NKAIN2: variants seen among roughly 807,000 people sequenced by gnomAD.
The protein encoded by NKAIN2 is sodium/potassium transporting ATPase interacting 2.
A neutral mutation model predicts 32.6 loss-of-function variants in NKAIN2; 14 were observed. That is an observed-to-expected ratio of 0.43 (90% CI 0.28 to 0.67). The LOEUF (loss-of-function observed/expected upper bound fraction) is 0.67. NKAIN2 is among the 30% of genes least tolerant of loss of function. The pLI is 0.17. For missense variants in NKAIN2, 198 were observed against 258.3 expected (o/e 0.77, Z 1.60); for synonymous variants, 80 against 87.2 (o/e 0.92, Z 0.46).
intron 4 of NKAIN2, among the ~76,000 whole-genome samples, chr6:124,712,412 C>T (rs1261474265): frequency 1.7e-5 from 2 of 116,164 alleles, no homozygotes; most frequent in Non-Finnish European, 3.6e-5. Flanking sequence ...CGCCCCTCCC[C>T]CAGGCTCGCT....
intron 3 of NKAIN2, among the ~76,000 whole-genome samples, chr6:124,580,478 C>T (rs1414904531): frequency 6.6e-6 from 1 of 151,924 alleles, no homozygotes; most frequent in Non-Finnish European, 1.5e-5. Context: ...CTTTGCAAGC[C>T]TCATGGTAAC....
At chr6:123,901,469 A>G (rs1774583517) in intron 1 of NKAIN2, among the ~76,000 whole-genome samples, 1 of 152,196 alleles carries the variant, frequency 6.6e-6, no homozygotes, top group Non-Finnish European at 1.5e-5. Flanking sequence ...GACTTAGTAT[A>G]CCAAGCGTTT....
At chr6:124,509,034 G>A (rs905254867) in intron 3 of NKAIN2, among the ~76,000 whole-genome samples, 16 of 152,038 alleles carry the variant, frequency 1.1e-4, no homozygotes, top group African/African-American at 3.4e-4. Flanking sequence ...GATGCCCTGC[G>A]GCTTAGGACT....
intron 5 of NKAIN2, among the ~76,000 whole-genome samples, chr6:124,813,450 G>T (rs1224715115): frequency 6.6e-6 from 1 of 152,196 alleles, no homozygotes; most frequent in East Asian, 1.9e-4. Context: ...AAGAACTTAA[G>T]ACTTTTGTTA....
intron 1 of NKAIN2, among the ~76,000 whole-genome samples, chr6:123,965,574 C>T (rs778577384): frequency 1.3e-5 from 2 of 152,138 alleles, no homozygotes; most frequent in Non-Finnish European, 2.9e-5. Context: ...GATTCTCCTA[C>T]TCATATCCTG....
chr6:124,158,717 A>G (rs764843659), intron 1 of NKAIN2, among the ~76,000 whole-genome samples: 2 of 152,184 alleles, frequency 1.3e-5, no homozygotes, highest in Non-Finnish European at 2.9e-5. Context: ...GAGGAGTGAT[A>G]AGAGACATCC....
chr6:124,391,043 A>C (rs1281595668), intron 3 of NKAIN2: 1 of 152,164 alleles, frequency 6.6e-6, no homozygotes, highest in Non-Finnish European at 1.5e-5. Context: ...CTTTGAAAGA[A>C]ATTTTTGCTT....
chr6:124,680,239 G>A (rs1404367636), intron 4 of NKAIN2, among the ~76,000 whole-genome samples: 1 of 152,112 alleles, frequency 6.6e-6, no homozygotes, highest in Non-Finnish European at 1.5e-5. Flanking sequence ...TAAGGAATGT[G>A]TTTCCCTTAA....
chr6:124,005,390 G>A (rs1780037453), intron 1 of NKAIN2, among the ~76,000 whole-genome samples: 1 of 151,868 alleles, frequency 6.6e-6, no homozygotes, highest in South Asian at 2.1e-4. Context: ...ACATACTACT[G>A]TAAATTAATT....
At chr6:124,432,937 T>TC (rs927753756) in intron 3 of NKAIN2, among the ~76,000 whole-genome samples, 4 of 150,658 alleles carry the variant, frequency 2.7e-5, no homozygotes, top group African/African-American at 9.8e-5. Flanking sequence ...CCTGCTTGGC[T>TC]CCCCCCGACA....
chr6:123,809,212 A>AT (rs929442237), intron 1 of NKAIN2, among the ~76,000 whole-genome samples: 4 of 151,568 alleles, frequency 2.6e-5, no homozygotes, highest in African/African-American at 7.3e-5. Context: ...TTTGTTTCCC[A>AT]TTTTTTTTCT....
intron 1 of NKAIN2, among the ~76,000 whole-genome samples, chr6:123,880,414 T>C (rs937607554): frequency 2.0e-5 from 3 of 152,160 alleles, no homozygotes; most frequent in Non-Finnish European, 4.4e-5. Flanking sequence ...ATGGCACATG[T>C]CACTTCTGCT....
At chr6:124,071,172 T>C (rs1783446044) in intron 1 of NKAIN2, among the ~76,000 whole-genome samples, 1 of 152,112 alleles carries the variant, frequency 6.6e-6, no homozygotes, top group Admixed American at 6.6e-5. Context: ...TCTACAGGCC[T>C]CTGATCTTTG....
intron 1 of NKAIN2, among the ~76,000 whole-genome samples, chr6:124,100,681 C>T (rs147951861): frequency 1.3e-5 from 2 of 152,332 alleles, no homozygotes; most frequent in East Asian, 3.9e-4. Flanking sequence ...ATTGATGTCA[C>T]AACCTGACAA....
intron 1 of NKAIN2, among the ~76,000 whole-genome samples, chr6:123,957,166 A>C (rs1777632445): frequency 6.6e-6 from 1 of 152,128 alleles, no homozygotes; most frequent in Non-Finnish European, 1.5e-5. Context: ...TATGCGTATA[A>C]ATTGGGGTCA....
At chr6:124,725,939 G>A (rs1423828951) in intron 4 of NKAIN2, among the ~76,000 whole-genome samples, 1 of 152,226 alleles carries the variant, frequency 6.6e-6, no homozygotes, top group African/African-American at 2.4e-5. Context: ...TCAAAGAAAG[G>A]GGTGACGGAC....
intron 2 of NKAIN2, among the ~76,000 whole-genome samples, chr6:124,329,492 C>T (rs1256469106): frequency 6.6e-6 from 1 of 152,168 alleles, no homozygotes; most frequent in Non-Finnish European, 1.5e-5. Context: ...GTAGGACCCC[C>T]AGATCCACAG....
At chr6:124,006,147 C>T (rs1361841664) in intron 1 of NKAIN2, among the ~76,000 whole-genome samples, 5 of 152,096 alleles carry the variant, frequency 3.3e-5, no homozygotes, top group Non-Finnish European at 4.4e-5. Context: ...AGGAGAGGAG[C>T]GATGGTTGAG....
At chr6:124,420,465 C>T (rs560439193) in intron 3 of NKAIN2, among the ~76,000 whole-genome samples, 6 of 152,028 alleles carry the variant, frequency 3.9e-5, no homozygotes, top group South Asian at 4.2e-4. Context: ...GTACAAATAC[C>T]GAAGAATTAA....
Sources: allele counts gnomAD v4.1 joint callset (sites outside exome capture counted in the v4.1 genomes callset), GRCh38; gene constraint gnomAD v4.1.1; transcripts MANE v1.5; gene names NCBI Gene and HGNC (gene_info 2026-07-23, HGNC 2026-07-21).